Variants in RYR2 observed in about 807,000 individuals in gnomAD.
The protein encoded by RYR2 is ryanodine receptor 2.
RYR2 carries 227 observed loss-of-function variants against 601.1 expected under a neutral mutation model. The observed-to-expected ratio is 0.38, with a 90% CI of 0.34 to 0.42. The LOEUF is 0.42. Among genes scored for constraint, RYR2 ranks in the 10% least tolerant of loss-of-function variants. The pLI, the probability that RYR2 is intolerant of heterozygous loss-of-function variation, is 1.00. For missense variants in RYR2, 4,646 were observed against 6,156.5 expected, an observed-to-expected ratio of 0.75 and a Z score of 8.21; for synonymous variants, 2,223 against 2,175.1, an observed-to-expected ratio of 1.02 and a Z score of -0.61.
intron 2 of RYR2, among the ~76,000 whole-genome samples, chr1:237,325,293 G>A (rs913344628): frequency 2.6e-5 from 4 of 152,160 alleles, no homozygotes; most frequent in South Asian, 2.1e-4. Flanking sequence ...AATTTATATA[G>A]CGTGAACCCA....
At chr1:237,127,118 C>T (rs1571933420) in intron 1 of RYR2, among the ~76,000 whole-genome samples, 1 of 151,772 alleles carries the variant, frequency 6.6e-6, no homozygotes, top group Admixed American at 6.6e-5. Context: ...CACAGATCAA[C>T]AGGATCCCAA....
At chr1:237,635,721 A>G (rs1403685745) in intron 44 of RYR2, among the ~76,000 whole-genome samples, 1 of 152,188 alleles carries the variant, frequency 6.6e-6, no homozygotes, top group African/African-American at 2.4e-5. Context: ...CACTCCCAGT[A>G]AAAATCAAAG....
At position 237,388,192 on chromosome 1, in the gene RYR2, C is replaced by T. The variant is rs971973333; in HGVS notation, c.773+9C>T. The T allele has an allele frequency of 6.2e-7, 1 of 1,610,590 alleles. No homozygotes were observed. Among genetic ancestry groups the T allele is most frequent in the Non-Finnish European group, 8.5e-7 (1 of 1,177,404 alleles). ...GGTGAAGAGCAGCGGAGGTTAGTAC[C>T]TGAGCTCATTGCATTGAGACTTGCA... is the stretch of plus-strand genomic sequence containing the variant. On this transcript the variant is annotated intron_variant, in intron 10 of 104. Coordinates refer to ENST00000366574, the MANE Select transcript of RYR2 (RefSeq NM_001035.3).
chr1:237,284,683 T>TCACACACACAC (rs141656042), intron 2 of RYR2, among the ~76,000 whole-genome samples: 21,275 of 143,494 alleles, frequency 0.15, 1,716 homozygotes, highest in Middle Eastern at 0.18. Flanking sequence ...TATATATATG[T>TCACACACACAC]ACACACACAC....
In RYR2 at chr1:237,632,077, G is replaced by T. The variant is rs548190282; in HGVS notation, c.6555+536G>T. Reference sequence around the variant, plus strand: ...TCCTTGATTTTGATAAAAATTTCCTGTCTTATACTGTGTAATTTTTGGCCT... The same window carrying T: ...TCCTTGATTTTGATAAAAATTTCCTTTCTTATACTGTGTAATTTTTGGCCT... On this transcript the variant is annotated intron_variant, in intron 42 of 104. Coordinates refer to ENST00000366574, the MANE Select transcript of RYR2 (RefSeq NM_001035.3). Among the ~76,000 whole-genome samples the T allele has an allele frequency of 2.6e-5, 4 of 151,654 alleles. No homozygotes were observed. In the South Asian group the frequency reaches 6.2e-4, roughly 24 times the overall value.
chr1:237,503,172 A>G (rs944165210), intron 21 of RYR2, 117 bp from the exon 22 acceptor site: 2 of 847,758 alleles, frequency 2.4e-6, no homozygotes, highest in Non-Finnish European at 3.7e-6. Flanking sequence ...ACGTAGGGGA[A>G]AATGTGGCTT....
chr1:237,356,649 T>A (rs1699321452), intron 4 of RYR2, among the ~76,000 whole-genome samples: 1 of 152,116 alleles, frequency 6.6e-6, no homozygotes, highest in Non-Finnish European at 1.5e-5. Context: ...AGAGCCCACA[T>A]TGTCACAAGT....
At chr1:237,178,416 C>CTGTGTGTGTGTG (rs201867544) in intron 1 of RYR2, among the ~76,000 whole-genome samples, 2 of 129,712 alleles carry the variant, frequency 1.5e-5, no homozygotes, top group South Asian at 2.9e-4. Context: ...AGTTAAGGCT[C>CTGTGTGTGTGTG]TGTGTGTGTG....
At chr1:237,761,963 G>A (rs1221647902) in intron 84 of RYR2, among the ~76,000 whole-genome samples, 2 of 151,938 alleles carry the variant, frequency 1.3e-5, no homozygotes, top group Non-Finnish European at 2.9e-5. Context: ...AAATATTTTA[G>A]GATTAACTAA....
In RYR2 at chr1:237,159,564, C is replaced by T. The variant is rs1186677766; in HGVS notation, c.49-110933C>T. ...ACTCAGGCCGGGCACAGATTACGGG[C>T]TCATGCCTGTAATCCCAGCATTTTG... On this transcript the variant is annotated intron_variant, in intron 1 of 104. Coordinates refer to ENST00000366574, the MANE Select transcript of RYR2 (RefSeq NM_001035.3). Among the ~76,000 whole-genome samples the T allele has an allele frequency of 3.3e-5, 5 of 150,680 alleles. No individual in the cohort carries two copies. In the East Asian group the frequency reaches 1.0e-3, roughly 30 times the overall value.
intron 24 of RYR2, among the ~76,000 whole-genome samples, chr1:237,517,088 A>G (rs772667196): frequency 6.6e-6 from 1 of 152,192 alleles, no homozygotes; most frequent in Non-Finnish European, 1.5e-5. Flanking sequence ...CCTGTTTGTC[A>G]TCATGCCTTG....
chr1:237,077,816 A>G (rs573519640), intron 1 of RYR2, among the ~76,000 whole-genome samples: 9 of 152,132 alleles, frequency 5.9e-5, no homozygotes, highest in African/African-American at 2.2e-4. Context: ...AAATCAACAG[A>G]ATATACATTT....
At chr1:237,163,672 A>G (rs1346079420) in intron 1 of RYR2, among the ~76,000 whole-genome samples, 1 of 152,130 alleles carries the variant, frequency 6.6e-6, no homozygotes, top group African/African-American at 2.4e-5. Context: ...TCTTCTGAAA[A>G]ACAGAGACGG....
intron 26 of RYR2, among the ~76,000 whole-genome samples, chr1:237,549,812 G>A (rs1180959002): frequency 1.3e-5 from 2 of 151,742 alleles, no homozygotes; most frequent in Non-Finnish European, 2.9e-5. Flanking sequence ...TTCCAAAGTG[G>A]CATTGCCCTA....
At chr1:237,795,802 C>T (rs1659045566) in intron 96 of RYR2, among the ~76,000 whole-genome samples, 1 of 143,420 alleles carries the variant, frequency 7.0e-6, no homozygotes, top group Non-Finnish European at 1.5e-5. Flanking sequence ...TGGCTCACGC[C>T]TGTATGTATA....
At chr1:237,391,877 T>C (rs1027207336) in intron 10 of RYR2, among the ~76,000 whole-genome samples, 1 of 152,134 alleles carries the variant, frequency 6.6e-6, no homozygotes, top group Non-Finnish European at 1.5e-5. Context: ...ACTAAATATT[T>C]ATCTTTTTCT....
chr1:237,317,122 G>C (rs1029566983), intron 2 of RYR2, among the ~76,000 whole-genome samples: 13 of 152,202 alleles, frequency 8.5e-5, no homozygotes, highest in Non-Finnish European at 1.9e-4. Context: ...GCTGAAATCA[G>C]TGTTGTCCAT....
intron 1 of RYR2, among the ~76,000 whole-genome samples, chr1:237,058,947 T>A (rs1194120621): frequency 2.0e-5 from 3 of 152,122 alleles, no homozygotes; most frequent in Admixed American, 6.5e-5. Context: ...TGGTCCTGAC[T>A]AGTACATTTT....
intron 1 of RYR2, among the ~76,000 whole-genome samples, chr1:237,209,516 T>TGTGTGTGTGTGTGTGTGTGTA (rs1260539665): frequency 2.0e-5 from 3 of 148,034 alleles, no homozygotes; most frequent in Non-Finnish European, 4.5e-5. Flanking sequence ...TGTGTGTGTA[T>TGTGTGTGTGTGTGTGTGTGTA]TTTTTTTTTT....
Sources: gnomAD v4.1 joint callset for allele counts (sites outside exome capture counted in the v4.1 genomes callset) on GRCh38, gnomAD v4.1.1 for gene constraint, MANE v1.5 for transcripts, NCBI Gene and HGNC (gene_info 2026-07-23, HGNC 2026-07-21) for gene names.